The following SYN3 variants were observed in gnomAD, a reference collection of about 807,000 sequenced individuals.
SYN3 encodes the protein synapsin-3.
A neutral mutation model predicts 65.8 loss-of-function variants in SYN3; 35 were observed. The ratio of observed to expected loss-of-function variants is 0.53; its 90% CI spans 0.41 to 0.70. The LOEUF (loss-of-function observed/expected upper bound fraction) is 0.70. Ranked by LOEUF, SYN3 falls within the 30% of genes least tolerant of loss-of-function variation. The probability of loss-of-function intolerance (pLI) is 0.00; values close to 1 mark genes in which losing one functional copy is unlikely to be tolerated. For missense variants in SYN3, 680 were observed against 749.0 expected, an observed-to-expected ratio of 0.91 and a Z score of 1.08; for synonymous variants, 270 against 292.9, an observed-to-expected ratio of 0.92 and a Z score of 0.80.
intron 6 of SYN3, among the ~76,000 whole-genome samples, chr22:32,678,662 C>T (rs537755087): frequency 1.3e-5 from 2 of 149,672 alleles, no homozygotes; most frequent in South Asian, 4.3e-4. Context: ...TCCATCTCCT[C>T]TTCTTCCTCC....
chr22:32,928,202 C>T (rs1050214781), intron 4 of SYN3, among the ~76,000 whole-genome samples: 7 of 151,944 alleles, frequency 4.6e-5, no homozygotes, highest in South Asian at 2.1e-4. Context: ...TGGTGGTGGG[C>T]GCCTGTAGTC....
At chr22:33,043,954 G>A (rs1377719625) in intron 1 of SYN3, among the ~76,000 whole-genome samples, 1 of 152,118 alleles carries the variant, frequency 6.6e-6, no homozygotes, top group African/African-American at 2.4e-5. Flanking sequence ...TCGGGTGGCT[G>A]AGGCAGGAGA....
intron 2 of SYN3, among the ~76,000 whole-genome samples, chr22:33,002,964 C>G (rs1356188056): frequency 1.3e-5 from 2 of 152,126 alleles, no homozygotes; most frequent in African/African-American, 4.8e-5. Context: ...TGCTGCTGCT[C>G]TTGTGGTAGC....
At chr22:32,868,098 C>G (rs1027850247) in intron 5 of SYN3, among the ~76,000 whole-genome samples, 2 of 152,174 alleles carry the variant, frequency 1.3e-5, no homozygotes, top group African/African-American at 4.8e-5. Flanking sequence ...AGGGTTGACA[C>G]TCACTTCACA....
At chr22:32,794,648 G>C (rs2046390484) in intron 6 of SYN3, among the ~76,000 whole-genome samples, 1 of 152,212 alleles carries the variant, frequency 6.6e-6, no homozygotes, top group Non-Finnish European at 1.5e-5. Flanking sequence ...GAGAACCAGG[G>C]ATATCAACCA....
intron 6 of SYN3, among the ~76,000 whole-genome samples, chr22:32,834,977 G>T (rs2047686800): frequency 1.3e-5 from 2 of 152,238 alleles, no homozygotes; most frequent in Admixed American, 1.3e-4. Context: ...GGTCTTTGCA[G>T]TCCTCAGCCA....
intron 6 of SYN3, among the ~76,000 whole-genome samples, chr22:32,777,783 C>T (rs2045944495): frequency 6.6e-6 from 1 of 152,192 alleles, no homozygotes; most frequent in East Asian, 1.9e-4. Context: ...TTAGTATTTT[C>T]TTTGAATTAA....
chr22:32,771,929 G>A (rs930288231), intron 6 of SYN3, among the ~76,000 whole-genome samples: 6 of 152,130 alleles, frequency 3.9e-5, no homozygotes, highest in African/African-American at 1.4e-4. Flanking sequence ...TTAGGCAGCT[G>A]CTGCTTGGAA....
chr22:32,962,138 T>C lies in SYN3; in HGVS notation c.369+18507A>G, dbSNP rs1344653455. Among the ~76,000 whole-genome samples the C allele has an allele frequency of 1.3e-4, 18 of 143,556 alleles. 1 individual carries two copies. Among genetic ancestry groups the C allele is most frequent in the Admixed American group, 2.8e-4 (4 of 14,450 alleles). 94.2% of individuals were successfully genotyped at this position (143,556 alleles called of 152,430 possible). On this transcript the variant is annotated intron_variant, in intron 3 of 13. Coordinates refer to ENST00000358763, the MANE Select transcript of SYN3 (RefSeq NM_003490.4). ...TTTACTTTTAGAATCTCTTTTTTTT[T>C]TTTTTTTTTTTTTTTTGAGACAGAG...
Position 32,706,273 on chromosome 22 carries a change from C to T in SYN3, c.712-109537G>A, listed in dbSNP as rs577782595. ...TACTGAGGAACTTTTAATTGAATTGCAGAAAACAGTGAAACAAAGAGGAAT... is the reference window on the plus strand; with the variant it reads ...TACTGAGGAACTTTTAATTGAATTGTAGAAAACAGTGAAACAAAGAGGAAT... On this transcript the variant is annotated intron_variant, in intron 6 of 13. Transcript: ENST00000358763. Among the ~76,000 whole-genome samples the T allele has an allele frequency of 1.1e-3, 167 of 151,874 alleles. 1 individual carries two copies. Among genetic ancestry groups the T allele is most frequent in the Admixed American group, 1.8e-3 (28 of 15,252 alleles).
At chr22:32,601,136 C>T (rs557542611) in intron 6 of SYN3, among the ~76,000 whole-genome samples, 1 of 152,288 alleles carries the variant, frequency 6.6e-6, no homozygotes, top group East Asian at 1.9e-4. Flanking sequence ...GGTGCTGTAT[C>T]TGTATTTAGA....
chr22:32,635,102 G>C (rs925711588), intron 6 of SYN3: 1 of 151,990 alleles, frequency 6.6e-6, no homozygotes. Flanking sequence ...GTTGTATATC[G>C]GTCTACATCT....
At chr22:32,715,787 A>AAAAAAAAAAAAAAAAAG (rs2061030911) in intron 6 of SYN3, among the ~76,000 whole-genome samples, 1 of 151,818 alleles carries the variant, frequency 6.6e-6, no homozygotes. Flanking sequence ...TCAAAAAAAA[A>AAAAAAAAAAAAAAAAAG]AAAAAAAAAA....
chr22:32,698,276 A>G (rs974094589), intron 6 of SYN3, among the ~76,000 whole-genome samples: 1 of 152,132 alleles, frequency 6.6e-6, no homozygotes, highest in African/African-American at 2.4e-5. Context: ...GGGGTTTGAC[A>G]TCACATATCT....
intron 6 of SYN3, among the ~76,000 whole-genome samples, chr22:32,667,735 A>G (rs942079961): frequency 1.3e-5 from 2 of 151,858 alleles, no homozygotes; most frequent in Non-Finnish European, 2.9e-5. Context: ...CAGTCAGTCA[A>G]GGTCGGGAAA....
rs140675407 is a variant in SYN3 at position 32,843,580 on chromosome 22, G to A, written c.711+21335C>T. 6.4e-3 allele frequency among the ~76,000 whole-genome samples: 968 copies of A among 152,324 alleles called. 7 individuals carry two copies. The highest frequency in any genetic ancestry group is 7.5e-3 in the South Asian group (36 of 4,828). On this transcript the variant is annotated intron_variant, in intron 6 of 13. Coordinates refer to ENST00000358763, the MANE Select transcript of SYN3 (RefSeq NM_003490.4). ...ATGATAAAATACACACGAAGGGGCCGTGAGACAAGCTGGGTGACAGGGATC... is the reference window on the plus strand; with the variant it reads ...ATGATAAAATACACACGAAGGGGCCATGAGACAAGCTGGGTGACAGGGATC...
chr22:32,951,931 C>T (rs879853108), intron 3 of SYN3, among the ~76,000 whole-genome samples: 4 of 152,234 alleles, frequency 2.6e-5, no homozygotes, highest in Admixed American at 6.5e-5. Context: ...ACTGCTCCAC[C>T]GATGGCAGAC....
intron 4 of SYN3, among the ~76,000 whole-genome samples, chr22:32,869,396 T>C (rs1007705456): frequency 7.0e-6 from 1 of 143,810 alleles, no homozygotes; most frequent in Non-Finnish European, 1.5e-5. Context: ...TTCCCTGCAT[T>C]GAACATCTAT....
At chr22:32,596,436 G>A (rs2059201051) in intron 7 of SYN3, among the ~76,000 whole-genome samples, 1 of 152,210 alleles carries the variant, frequency 6.6e-6, no homozygotes, top group Admixed American at 6.5e-5. Flanking sequence ...AGAATGATTA[G>A]TTAGCAATTC....
Sources: gnomAD v4.1 joint callset for allele counts (sites outside exome capture counted in the v4.1 genomes callset) on GRCh38, gnomAD v4.1.1 for gene constraint, MANE v1.5 for transcripts, NCBI Gene and HGNC (gene_info 2026-07-23, HGNC 2026-07-21) for gene names.